Variants in MPO observed in about 807,000 individuals in gnomAD.
The protein encoded by MPO is myeloperoxidase.
In MPO, 57 loss-of-function variants were observed where a neutral mutation model predicts 69.4. The ratio of observed to expected loss-of-function variants is 0.82; its 90% CI spans 0.66 to 1.02. The LOEUF is 1.02. MPO is among the 50% of genes least tolerant of loss of function. MPO has a pLI of 0.00. For missense variants in MPO, 971 were observed against 1,014.1 expected, an observed-to-expected ratio of 0.96 and a Z score of 0.58; for synonymous variants, 426 against 417.1, an observed-to-expected ratio of 1.02 and a Z score of -0.26.
chr17:58,274,082 AAGTTGTT>A, intron 8 of MPO: 1 of 442,336 alleles, frequency 2.3e-6, no homozygotes, highest in South Asian at 1.6e-5. Flanking sequence ...AGGGAAATTG[AAGTTGTT>A]GAAATTCTTC....
chr17:58,279,304 A>G lies in MPO; in HGVS notation c.671T>C (p.Val224Ala). 6.4e-7 allele frequency: 1 copy of G among 1,566,528 alleles called. No homozygotes were observed. The highest frequency in any genetic ancestry group is 8.7e-7 in the Non-Finnish European group (1 of 1,156,058). The part of the protein sequence containing the change: ...TPGVKRNGFP[V>A]ALARAVSNEI... ...CTGCCCGCCGGCGCTCACCAGAGCC[A>G]CCGGGAAGCCGTTGCGCTTGACCCC... The change falls in exon 5 of 12, where the codon GTG (valine) becomes GCG (alanine). Residue 224 changes from valine to alanine, a missense_variant. Val to Ala is a moderately conservative substitution (Grantham distance 64). Coordinates refer to ENST00000225275, the MANE Select transcript of MPO (RefSeq NM_000250.2).
rs201501643 is a variant in MPO, at chr17:58,278,991, G to A, written c.885+17C>T. 9.4e-6 allele frequency: 15 copies of A among 1,598,772 alleles called. No individual in the cohort carries two copies. Among genetic ancestry groups the A allele is most frequent in the South Asian group, 1.1e-5 (1 of 89,302 alleles). ...TCCCCTCTCCCAACCCAGGCAGTGG[G>A]CGGGAAGCAGGGCCACCTTGAGCGG... On this transcript the variant is annotated intron_variant, in intron 6 of 11. Coordinates refer to ENST00000225275, the MANE Select transcript of MPO (RefSeq NM_000250.2).
chr17:58,276,012 C>A (rs1041119712), intron 7 of MPO, among the ~76,000 whole-genome samples: 3 of 152,196 alleles, frequency 2.0e-5, no homozygotes, highest in Non-Finnish European at 2.9e-5. Flanking sequence ...GAGCACAGGA[C>A]CAAGGCTTGT....
intron 10 of MPO, 54 bp downstream of exon 10, chr17:58,272,694 T>G (rs1970381929): frequency 6.3e-7 from 1 of 1,591,476 alleles, no homozygotes; most frequent in African/African-American, 1.3e-5. Flanking sequence ...ATGGGCTACC[T>G]AGGAGGCAGC....
Position 58,272,762 on chromosome 17 carries a change from T to A in MPO, c.1778A>T (p.Asp593Val). Residue 593 changes from aspartate to valine, a missense_variant, in exon 10 of 12, where the codon GAC (aspartate) becomes GTC (valine). By Grantham distance (152) the Asp-to-Val change is radical. Coordinates refer to ENST00000225275, the MANE Select transcript of MPO (RefSeq NM_000250.2). ...LPALNMQRSR[D>V]HGLPGYNAWR... is the part of the protein sequence containing the mutation. ...CAGCCCCTCACCTGGGAGGCCGTGG[T>A]CCCTGCTGCGCTGCATGTTCAGAGC... 6.2e-7 allele frequency: 1 copy of A among 1,613,974 alleles called. No homozygotes were observed. Among genetic ancestry groups the A allele is most frequent in the Non-Finnish European group, 8.5e-7 (1 of 1,179,984 alleles).
In MPO at chr17:58,270,997, C is replaced by T. The variant is rs1304032171; in HGVS notation, c.2031-134G>A. The T allele has an allele frequency of 1.1e-6, 1 of 933,944 alleles. No individual in the cohort carries two copies. The highest frequency in any genetic ancestry group is 1.6e-5 in the African/African-American group (1 of 61,330). The allele number at this position is 933,944 out of a possible 1,614,324, so 57.9% of individuals were successfully genotyped here. On this transcript the variant is annotated intron_variant, in intron 11 of 11. Coordinates refer to ENST00000225275, the MANE Select transcript of MPO (RefSeq NM_000250.2). The surrounding 1 kb of genome is among the most constrained non-coding windows in gnomAD (Gnocchi z 4.1). ...CCTGGAAGCACAGGAGGGCCCCAGGCCCTTGGGCAGCCCAGGGGCTTTCAC... is the reference window on the plus strand; with the variant it reads ...CCTGGAAGCACAGGAGGGCCCCAGGTCCTTGGGCAGCCCAGGGGCTTTCAC...
chr17:58,271,506 C>T (rs1970363819), intron 11 of MPO, 149 bp downstream of exon 11: 1 of 816,270 alleles, frequency 1.2e-6, no homozygotes, highest in Non-Finnish European at 2.0e-6. Context: ...ATTAGGGGCA[C>T]TCCAGGGCAT....
At position 58,279,211 on chromosome 17, in the gene MPO, G is replaced by C. The variant is rs1481343975; in HGVS notation, c.682C>G (p.Arg228Gly). 3 of 1,600,250 alleles carry C rather than the reference G, an allele frequency of 1.9e-6. No individual in the cohort carries two copies. The highest frequency in any genetic ancestry group is 3.5e-5 in the Admixed American group (2 of 57,692). Residue 228 changes from arginine to glycine, a missense_variant, in exon 6 of 12, where the codon CGC (arginine) becomes GGC (glycine). Transcript: ENST00000225275. Reference protein sequence around the residue: ...KRNGFPVALARAVSNEIVRFP... With the variant: ...KRNGFPVALAGAVSNEIVRFP... ...CGCACGATCTCGTTGGAGACCGCGC[G>C]AGCCTGCGGGACACGGAGATCAGCT...
chr17:58,271,664 T>TC lies in MPO; in HGVS notation c.2020dup (p.Asp674GlyfsTer3), dbSNP rs1250797532. 13 of 1,613,816 alleles carry TC rather than the reference T, an allele frequency of 8.1e-6. No homozygotes were observed. The highest frequency in any genetic ancestry group is 1.1e-5 in the South Asian group (1 of 91,088). On this transcript the variant is annotated frameshift_variant, in exon 11 of 12. Coordinates refer to ENST00000225275, the MANE Select transcript of MPO (RefSeq NM_000250.2). LOFTEE classifies it high-confidence loss of function. The stretch of plus-strand genomic sequence containing the variant: ...GCCTGCCCCTCCTCACCGATCACCA[T>TC]CCCGGAGCTTCCTGAACTGGGTACC...
rs767416201 is a variant in MPO, at chr17:58,275,916, G to A, written c.1205-214C>T. On this transcript the variant is annotated intron_variant, in intron 7 of 11. Transcript: ENST00000225275. This position sits in a 1 kb window ranked among gnomAD's most constrained non-coding sequence, Gnocchi z 4.1. ...ATAGCTTCTGCCTCAGCTCAGGGCC[G>A]CTGCTGGTTGGGGATGCTCATTCAA... Among the ~76,000 whole-genome samples, 11 of 152,148 alleles carry A rather than the reference G, an allele frequency of 7.2e-5. No individual in the cohort carries two copies. Among genetic ancestry groups the A allele is most frequent in the South Asian group, 2.1e-4 (1 of 4,830 alleles).
In MPO at chr17:58,273,614, T is replaced by C; in HGVS notation, c.1421A>G (p.Lys474Arg). The C allele has an allele frequency of 1.2e-6, 2 of 1,614,220 alleles. No individual in the cohort carries two copies. The highest frequency in any genetic ancestry group is 1.3e-5 in the African/African-American group (1 of 75,056). Residue 474 changes from lysine (K) to arginine (R), a missense_variant, in exon 9 of 12, where the codon AAG (lysine) becomes AGG (arginine). By Grantham distance (26) the Lys-to-Arg change is conservative. Coordinates refer to ENST00000225275, the MANE Select transcript of MPO (RefSeq NM_000250.2). ...PLVLGPTAMR[K>R]YLPTYRSYND... Reference sequence around the variant, plus strand: ...GTAGGAACGGTACGTGGGCAGGTACTTCCTCATGGCCGTTGGCCCCAGCAC... The same window carrying C: ...GTAGGAACGGTACGTGGGCAGGTACCTCCTCATGGCCGTTGGCCCCAGCAC...
chr17:58,279,585 G>A lies in MPO; in HGVS notation c.486C>T (p.Asp162=). 4 of 1,614,170 alleles carry A rather than the reference G, an allele frequency of 2.5e-6. No individual in the cohort carries two copies. The highest frequency in any genetic ancestry group is 3.4e-6 in the Non-Finnish European group (4 of 1,180,036). Residue 162 remains aspartate, a synonymous_variant, in exon 4 of 12, where the codon GAC becomes GAT. Transcript: ENST00000225275. The part of the protein sequence containing the change: ...LSKSSGCAYQ[D]VGVTCPEQDK... ...CCTGCTCCGGGCAAGTCACCCCCAC[G>A]TCCTGGTAGGCGCAGCCGCTTGACT...
chr17:58,278,126 C>CG lies in MPO; in HGVS notation c.904dup (p.Arg302ProfsTer79). On this transcript the variant is annotated frameshift_variant, in exon 7 of 12. Transcript: ENST00000225275. LOFTEE classifies it high-confidence loss of function. Reference sequence around the variant, plus strand: ...GATGCAGTCGGCTTGGTTCTTGATGCGGGGGTCATTGGGCGGGATCTGAGG... The same window carrying CG: ...GATGCAGTCGGCTTGGTTCTTGATGCGGGGGGTCATTGGGCGGGATCTGAGG... The CG allele has an allele frequency of 6.2e-7, 1 of 1,602,408 alleles. No individual in the cohort carries two copies. The highest frequency in any genetic ancestry group is 8.5e-7 in the Non-Finnish European group (1 of 1,179,912).
chr17:58,278,667 G>C (rs1598042501), intron 6 of MPO, among the ~76,000 whole-genome samples: 1 of 152,136 alleles, frequency 6.6e-6, no homozygotes, highest in Admixed American at 6.5e-5. Context: ...TGGAGGCTTG[G>C]GGGGCACTGA....
At chr17:58,277,246 A>T (rs1431091191) in intron 7 of MPO, among the ~76,000 whole-genome samples, 2 of 152,188 alleles carry the variant, frequency 1.3e-5, no homozygotes, top group Non-Finnish European at 2.9e-5. Context: ...AGGAGGGGAT[A>T]TTTTGGAGCA....
Position 58,279,819 on chromosome 17 carries a change from G to A in MPO, c.424+20C>T, listed in dbSNP as rs550738510. The A allele has an allele frequency of 6.2e-7, 1 of 1,614,008 alleles. No homozygotes were observed. The highest frequency in any genetic ancestry group is 1.7e-5 in the Admixed American group (1 of 60,030). On this transcript the variant is annotated intron_variant, in intron 3 of 11. Transcript: ENST00000225275. ...AGTCACTAGTGGAGCAGGGACCTGG[G>A]GTGTGATGGGCAACAGTACCAGTGA...
chr17:58,279,632 C>T lies in MPO; in HGVS notation c.439G>A (p.Ala147Thr), dbSNP rs1263815272. ...GACTTGGACAACACATTCAGCTGGG[C>T]GGGCGTCAGCACATCTGCCGGGGGA... The part of the protein sequence containing the change: ...PFNVTDVLTP[A>T]QLNVLSKSSG... The change falls in exon 4 of 12, where the codon GCC (alanine) becomes ACC (threonine). Residue 147 changes from alanine to threonine, a missense_variant. Coordinates refer to ENST00000225275, the MANE Select transcript of MPO (RefSeq NM_000250.2). 6.2e-7 allele frequency: 1 copy of T among 1,613,950 alleles called. No individual in the cohort carries two copies. The highest frequency in any genetic ancestry group is 1.3e-5 in the African/African-American group (1 of 74,928).
At chr17:58,279,262 G>T (rs1385636298) in intron 5 of MPO, 35 bp downstream of exon 5, 1 of 1,563,434 alleles carries the variant, frequency 6.4e-7, no homozygotes, top group East Asian at 2.4e-5. Flanking sequence ...GCACCGCGTG[G>T]CCGGGCCTCG....
At chr17:58,278,655 C>G (rs1333523126) in intron 6 of MPO, among the ~76,000 whole-genome samples, 2 of 152,158 alleles carry the variant, frequency 1.3e-5, no homozygotes, top group Admixed American at 1.3e-4. Context: ...CAGGACTGAG[C>G]ATGGAGGCTT....
Sources: allele counts gnomAD v4.1 joint callset (sites outside exome capture counted in the v4.1 genomes callset), GRCh38; gene constraint gnomAD v4.1.1; non-coding constraint Gnocchi (gnomAD v3.1); transcripts MANE v1.5; gene names NCBI Gene and HGNC (gene_info 2026-07-23, HGNC 2026-07-21).